Variants in LRRC37A2 observed in about 807,000 individuals in gnomAD.
The protein encoded by LRRC37A2 is leucine-rich repeat-containing protein 37A2.
LRRC37A2 carries 9 observed loss-of-function variants against 68.8 expected under a neutral mutation model. That is an observed-to-expected ratio of 0.13 (90% CI 0.08 to 0.23). LRRC37A2 has a LOEUF of 0.23. LRRC37A2 is among the 10% of genes least tolerant of loss of function. LRRC37A2 has a pLI of 1.00. For missense variants in LRRC37A2, 168 were observed against 950.4 expected (o/e 0.18, Z 10.82); for synonymous variants, 63 against 367.6 (o/e 0.17, Z 9.48).
the LRRC37A2 span, among the ~76,000 whole-genome samples, chr17:46,806,824 C>T: frequency 6.6e-5 from 10 of 152,224 alleles, no homozygotes; most frequent in African/African-American, 2.4e-4. Flanking sequence ...CCCTGGCCGC[C>T]GCTCCCCTCT....
At chr17:46,714,590 G>A in the LRRC37A2 span, among the ~76,000 whole-genome samples, 3 of 152,144 alleles carry the variant, frequency 2.0e-5, no homozygotes, top group African/African-American at 7.2e-5. Context: ...TGAAAAGACT[G>A]TAAGACCATT....
At chr17:46,780,132 T>A in the LRRC37A2 span, among the ~76,000 whole-genome samples, 1 of 152,228 alleles carries the variant, frequency 6.6e-6, no homozygotes, top group Non-Finnish European at 1.5e-5. Context: ...CTTACGCACC[T>A]AACATATGGT....
the LRRC37A2 span, chr17:46,929,377 A>G: frequency 1.4e-6 from 1 of 694,284 alleles, no homozygotes. Flanking sequence ...CGTGGGACCT[A>G]AAGTGCCACA....
downstream of LRRC37A2, among the ~76,000 whole-genome samples, chr17:46,558,140 T>A (rs1302443914): frequency 7.3e-5 from 9 of 123,804 alleles, no homozygotes; most frequent in Non-Finnish European, 1.7e-5. Context: ...GCTCACTGCA[T>A]CCTCCGCCTC....
the LRRC37A2 span, among the ~76,000 whole-genome samples, chr17:46,883,774 C>T: frequency 2.0e-5 from 3 of 152,200 alleles, no homozygotes; most frequent in African/African-American, 7.2e-5. Context: ...TGGCATCTTC[C>T]AGTCCTGCCA....
chr17:46,810,048 C>A, the LRRC37A2 span, among the ~76,000 whole-genome samples: 1 of 147,732 alleles, frequency 6.8e-6, no homozygotes, highest in Admixed American at 6.8e-5. Context: ...GTCTTGTTGC[C>A]CAGGCTGGAA....
chr17:46,861,578 A>G, the LRRC37A2 span, among the ~76,000 whole-genome samples: 4 of 152,124 alleles, frequency 2.6e-5, no homozygotes, highest in African/African-American at 9.7e-5. Context: ...ACTTATCCCC[A>G]TCGGACTCCA....
the LRRC37A2 span, chr17:46,936,095 C>T: frequency 4.1e-6 from 4 of 985,888 alleles, no homozygotes; most frequent in East Asian, 1.1e-4. Flanking sequence ...TGACACTCAC[C>T]TCCTGCTGAC....
chr17:46,902,046 G>T, the LRRC37A2 span, among the ~76,000 whole-genome samples: 178 of 152,260 alleles, frequency 1.2e-3, 1 homozygote, highest in Middle Eastern at 3.4e-3. Context: ...GACCTCAGGT[G>T]ATCCACCCAC....
At chr17:46,911,912 A>C in the LRRC37A2 span, among the ~76,000 whole-genome samples, 1 of 152,114 alleles carries the variant, frequency 6.6e-6, no homozygotes, top group Admixed American at 6.5e-5. Flanking sequence ...AATATAAATT[A>C]AGATACCTGG....
the LRRC37A2 span, among the ~76,000 whole-genome samples, chr17:46,418,201 GTGTGTGTGTGTGTT>G: frequency 5.5e-4 from 27 of 49,504 alleles, 1 homozygote; most frequent in Non-Finnish European, 1.4e-3. Flanking sequence ...AATTGTGTGT[GTGTGTGTGTGTGTT>G]TGTGTGTGTG....
the LRRC37A2 span, among the ~76,000 whole-genome samples, chr17:46,884,410 T>C: frequency 6.6e-6 from 1 of 152,156 alleles, no homozygotes; most frequent in Non-Finnish European, 1.5e-5. Flanking sequence ...CAGGAAGGAT[T>C]AAGGGGCGTG....
At chr17:46,717,926 CAACA>C in the LRRC37A2 span, among the ~76,000 whole-genome samples, 3 of 152,216 alleles carry the variant, frequency 2.0e-5, no homozygotes, top group Non-Finnish European at 4.4e-5. Context: ...TTCAGCAAGA[CAACA>C]AAGACCCTGG....
the LRRC37A2 span, among the ~76,000 whole-genome samples, chr17:46,772,367 A>G: frequency 1.3e-5 from 2 of 152,250 alleles, no homozygotes; most frequent in Non-Finnish European, 1.5e-5. Context: ...TAGCGCTCCC[A>G]GAGCCGCTTT....
chr17:46,799,262 G>T, the LRRC37A2 span, among the ~76,000 whole-genome samples: 1 of 151,978 alleles, frequency 6.6e-6, no homozygotes, highest in African/African-American at 2.4e-5. Flanking sequence ...TATTGGTTGG[G>T]ACAAACCAAC....
intron 6 of LRRC37A2, among the ~76,000 whole-genome samples, chr17:46,535,102 A>G (rs2054467092): frequency 1.3e-5 from 2 of 148,286 alleles, no homozygotes; most frequent in Admixed American, 6.6e-5. Context: ...CTCTATTGCC[A>G]GTGCTGGTAT....
At chr17:46,494,730 C>A in the LRRC37A2 span, among the ~76,000 whole-genome samples, 2 of 151,194 alleles carry the variant, frequency 1.3e-5, no homozygotes, top group Non-Finnish European at 2.9e-5. Flanking sequence ...TATAAGGGTA[C>A]ATGTAATATT....
the LRRC37A2 span, chr17:46,932,007 C>T: frequency 6.7e-7 from 1 of 1,503,620 alleles, no homozygotes; most frequent in Non-Finnish European, 9.3e-7. Flanking sequence ...AAAGCCTGGC[C>T]CCCTCAGATT....
the LRRC37A2 span, among the ~76,000 whole-genome samples, chr17:46,784,089 C>T: frequency 3.3e-5 from 5 of 152,082 alleles, no homozygotes; most frequent in African/African-American, 1.2e-4. Context: ...TCTGGGTCAC[C>T]GGGGTCTGTG....
Sources: gnomAD v4.1 joint callset for allele counts (sites outside exome capture counted in the v4.1 genomes callset) on GRCh38, gnomAD v4.1.1 for gene constraint, MANE v1.5 for transcripts, NCBI Gene and HGNC (gene_info 2026-07-23, HGNC 2026-07-21) for gene names.